The following OPHN1 variants were observed in gnomAD, a reference collection of about 807,000 sequenced individuals.
OPHN1 encodes oligophrenin 1, also known as oligophrenin-1.
OPHN1 carries 11 observed loss-of-function variants against 60.7 expected under a neutral mutation model. That is an observed-to-expected ratio of 0.18 (90% CI 0.11 to 0.30). OPHN1 has a LOEUF of 0.30. Ranked by LOEUF, OPHN1 falls within the 10% of genes least tolerant of loss-of-function variation. The pLI is 1.00. For missense variants in OPHN1, 449 were observed against 611.0 expected (o/e 0.73, Z 2.80); for synonymous variants, 226 against 222.6 (o/e 1.02, Z -0.14).
chrX:68,111,630 T>C (rs1408348649), intron 18 of OPHN1, among the ~76,000 whole-genome samples: 1 of 111,807 alleles, frequency 8.9e-6, no homozygotes, highest in Non-Finnish European at 1.9e-5. Flanking sequence ...CACCCCACTC[T>C]ACCTTGCTGC....
intron 15 of OPHN1, among the ~76,000 whole-genome samples, chrX:68,169,946 T>G (rs1295524484): frequency 9.2e-6 from 1 of 108,120 alleles, no homozygotes; most frequent in Non-Finnish European, 1.9e-5. Context: ...CTAATTAAAC[T>G]AAAGAGCTTC....
At position 68,193,122 on chromosome X, in the gene OPHN1, T is replaced by C. The variant is rs1379391768; in HGVS notation, c.1202-129A>G. ...ACTCCAAGTTCTCCAGCCTTCCCTGTAACAGGGGAATAGTCCTACAGCATC... is the reference window on the plus strand; with the variant it reads ...ACTCCAAGTTCTCCAGCCTTCCCTGCAACAGGGGAATAGTCCTACAGCATC... On this transcript the variant is annotated intron_variant, in intron 14 of 24. Coordinates refer to ENST00000355520, the MANE Select transcript of OPHN1 (RefSeq NM_002547.3). The C allele has an allele frequency of 7.5e-6, 4 of 534,367 alleles. No homozygotes were observed. The African/African-American group carries it at 9.2e-5, about 12-fold the overall frequency. The allele number at this position is 534,367 out of a possible 1,213,427, so 44.0% of individuals were successfully genotyped here.
chrX:68,370,011 AAT>A (rs761607454), intron 2 of OPHN1, among the ~76,000 whole-genome samples: 2,623 of 64,156 alleles, frequency 0.041, 281 homozygotes, highest in African/African-American at 0.18. Context: ...AAATTGCTGA[AAT>A]ATATATATAT....
At chrX:68,295,993 G>C (rs2078092957) in intron 3 of OPHN1, among the ~76,000 whole-genome samples, 2 of 111,140 alleles carry the variant, frequency 1.8e-5, no homozygotes, top group African/African-American at 6.6e-5. Flanking sequence ...CAGCAGTATT[G>C]GCAATAGGAG....
chrX:68,324,020 A>G (rs936036115), intron 2 of OPHN1, among the ~76,000 whole-genome samples: 10 of 112,016 alleles, frequency 8.9e-5, no homozygotes, highest in African/African-American at 2.6e-4. Context: ...GTGAAATTGT[A>G]GAAGCATTCC....
intron 5 of OPHN1, among the ~76,000 whole-genome samples, chrX:68,243,172 G>T (rs762214421): frequency 1.1e-3 from 127 of 111,151 alleles, no homozygotes; most frequent in African/African-American, 3.9e-3. Flanking sequence ...GCTAGAATAA[G>T]AAAATTCATA....
chrX:68,287,542 C>G (rs2096217745), intron 3 of OPHN1, among the ~76,000 whole-genome samples: 1 of 110,448 alleles, frequency 9.1e-6, no homozygotes, highest in South Asian at 3.8e-4. Flanking sequence ...AGAGTAAACT[C>G]TGAGTCAACT....
chrX:68,278,134 T>C (rs902062302), intron 4 of OPHN1, among the ~76,000 whole-genome samples: 4 of 112,359 alleles, frequency 3.6e-5, no homozygotes, highest in African/African-American at 9.7e-5. Flanking sequence ...GCAACACTGC[T>C]CCCAGTCTCC....
At chrX:68,100,272 C>A (rs1433180356) in intron 18 of OPHN1, among the ~76,000 whole-genome samples, 2 of 110,602 alleles carry the variant, frequency 1.8e-5, no homozygotes, top group Non-Finnish European at 3.8e-5. Context: ...TACACGCACA[C>A]ACACGCACAC....
intron 5 of OPHN1, among the ~76,000 whole-genome samples, chrX:68,254,554 C>A (rs1227874419): frequency 9.0e-6 from 1 of 111,010 alleles, no homozygotes; most frequent in Non-Finnish European, 1.9e-5. Flanking sequence ...AGTGAGCCCC[C>A]CTCCCAGGCC....
At chrX:68,417,222 A>T (rs747950099) in intron 2 of OPHN1, among the ~76,000 whole-genome samples, 1 of 111,353 alleles carries the variant, frequency 9.0e-6, no homozygotes, top group Admixed American at 9.6e-5. Flanking sequence ...CCTCCCAAAT[A>T]GCTGGGATTA....
intron 5 of OPHN1, among the ~76,000 whole-genome samples, chrX:68,254,630 C>T (rs1005387488): frequency 1.8e-5 from 2 of 111,409 alleles, no homozygotes; most frequent in Non-Finnish European, 3.8e-5. Context: ...GCCCACAACT[C>T]CGCTATTGCC....
intron 6 of OPHN1, among the ~76,000 whole-genome samples, chrX:68,216,977 C>T (rs2077612947): frequency 1.8e-5 from 2 of 111,944 alleles, no homozygotes; most frequent in Non-Finnish European, 3.8e-5. Flanking sequence ...GCGTGAGCGA[C>T]GCAGAAGACG....
chrX:68,225,127 G>A (rs1323589927), intron 6 of OPHN1, among the ~76,000 whole-genome samples: 1 of 112,113 alleles, frequency 8.9e-6, no homozygotes, highest in Admixed American at 9.4e-5. Flanking sequence ...CTTACTGCAA[G>A]CACAGCAGTC....
At chrX:68,264,805 T>C (rs1263089237) in intron 5 of OPHN1, among the ~76,000 whole-genome samples, 2 of 112,255 alleles carry the variant, frequency 1.8e-5, no homozygotes, top group Non-Finnish European at 3.8e-5. Flanking sequence ...AGACAGCCCC[T>C]GGAAAATCGG....
At chrX:68,287,241 A>G (rs1293921088) in intron 3 of OPHN1, among the ~76,000 whole-genome samples, 1 of 95,125 alleles carries the variant, frequency 1.1e-5, no homozygotes, top group Non-Finnish European at 2.1e-5. Context: ...GGAAGGAGGG[A>G]AGGGAAGGGA....
chrX:68,373,307 C>T (rs2078538923), intron 2 of OPHN1, among the ~76,000 whole-genome samples: 1 of 112,474 alleles, frequency 8.9e-6, no homozygotes, highest in Non-Finnish European at 1.9e-5. Flanking sequence ...AAGTTCGACA[C>T]TTTTAAACAA....
chrX:68,122,315 T>C (rs1488864024), intron 15 of OPHN1, among the ~76,000 whole-genome samples: 3 of 111,516 alleles, frequency 2.7e-5, no homozygotes, highest in Non-Finnish European at 5.6e-5. Flanking sequence ...CTAATGCAGA[T>C]ATGGATTGGA....
chrX:68,392,792 G>A (rs1359636993), intron 2 of OPHN1, among the ~76,000 whole-genome samples: 1 of 108,918 alleles, frequency 9.2e-6, no homozygotes, highest in Non-Finnish European at 1.9e-5. Context: ...GGTCAGAGAA[G>A]AGTTTGGCTG....
Sources: gnomAD v4.1 joint callset for allele counts (sites outside exome capture counted in the v4.1 genomes callset) on GRCh38, gnomAD v4.1.1 for gene constraint, MANE v1.5 for transcripts, NCBI Gene and HGNC (gene_info 2026-07-23, HGNC 2026-07-21) for gene names.